TRPM3: variants seen among roughly 807,000 people sequenced by gnomAD.
TRPM3 encodes the protein transient receptor potential cation channel subfamily M member 3, also known as long transient receptor potential channel 3.
Under a neutral mutation model 181.2 loss-of-function variants are expected in TRPM3, and 77 were observed. The observed-to-expected ratio is 0.42, with a 90% confidence interval of 0.35 to 0.51. The LOEUF (loss-of-function observed/expected upper bound fraction) is 0.51. Among genes scored for constraint, TRPM3 ranks in the 20% least tolerant of loss-of-function variants. The pLI is 0.01. For missense variants in TRPM3, 1,759 were observed against 2,196.7 expected (o/e 0.80, Z 3.98); for synonymous variants, 745 against 796.4 (o/e 0.94, Z 1.09).
At chr9:71,074,746 G>A (rs889629583) in intron 1 of TRPM3, among the ~76,000 whole-genome samples, 2 of 152,050 alleles carry the variant, frequency 1.3e-5, no homozygotes, top group African/African-American at 4.8e-5. Context: ...AATTATTCTT[G>A]TTGTACTTAT....
intron 1 of TRPM3, among the ~76,000 whole-genome samples, chr9:71,079,421 A>G (rs1435282691): frequency 1.3e-5 from 2 of 152,132 alleles, no homozygotes; most frequent in Admixed American, 1.3e-4. Context: ...TGTAATAAAG[A>G]CCAGGCCAAA....
intron 8 of TRPM3, among the ~76,000 whole-genome samples, chr9:70,690,908 C>T (rs2068344855): frequency 1.3e-5 from 2 of 152,092 alleles, no homozygotes; most frequent in African/African-American, 2.4e-5. Flanking sequence ...AAAACATATT[C>T]GTATTCGATT....
intron 1 of TRPM3, among the ~76,000 whole-genome samples, chr9:71,111,346 C>A (rs2071031119): frequency 6.6e-6 from 1 of 152,094 alleles, no homozygotes; most frequent in Non-Finnish European, 1.5e-5. Flanking sequence ...CGTACCCACC[C>A]GTTAATATCT....
chr9:71,360,868 A>G (rs2092113275), intron 1 of TRPM3, among the ~76,000 whole-genome samples: 1 of 152,264 alleles, frequency 6.6e-6, no homozygotes, highest in African/African-American at 2.4e-5. Context: ...TGATCCAGAA[A>G]AAAAAGAAGG....
At chr9:71,197,526 G>T (rs1298351607) in intron 1 of TRPM3, among the ~76,000 whole-genome samples, 1 of 151,736 alleles carries the variant, frequency 6.6e-6, no homozygotes, top group Non-Finnish European at 1.5e-5. Flanking sequence ...ATCCTCTCCA[G>T]CACCTGTTGT....
Position 71,060,772 on chromosome 9 carries a change from C to T in TRPM3, c.177+60406G>A, listed in dbSNP as rs76057163. ...ACTCTTTGAAAGCATTGAATGTATT[C>T]TTTCATTAAACTAACACTGGTTGAC... On this transcript the variant is annotated intron_variant, in intron 1 of 25. Transcript: ENST00000677713. Among the ~76,000 whole-genome samples, 749 of 152,210 alleles carry T rather than the reference C, an allele frequency of 4.9e-3. 18 individuals are homozygous for T. The East Asian group carries it at 0.078, about 16-fold the overall frequency.
At chr9:70,766,137 C>G (rs746820068) in intron 7 of TRPM3, among the ~76,000 whole-genome samples, 1 of 152,050 alleles carries the variant, frequency 6.6e-6, no homozygotes, top group African/African-American at 2.4e-5. Flanking sequence ...CATTTAAATG[C>G]TGTACTTATG....
intron 7 of TRPM3, among the ~76,000 whole-genome samples, chr9:70,779,925 A>G (rs2082146894): frequency 1.3e-5 from 2 of 152,202 alleles, no homozygotes; most frequent in African/African-American, 2.4e-5. Flanking sequence ...CAGGTACTAT[A>G]TGCCATAGAG....
At chr9:70,622,608 G>T (rs747650177) in intron 14 of TRPM3, among the ~76,000 whole-genome samples, 10 of 152,216 alleles carry the variant, frequency 6.6e-5, no homozygotes, top group Non-Finnish European at 1.0e-4. Context: ...ACAGGCACAG[G>T]CTGAGTCGGA....
chr9:71,078,627 G>T (rs1051963562), intron 1 of TRPM3, among the ~76,000 whole-genome samples: 1 of 152,152 alleles, frequency 6.6e-6, no homozygotes, highest in East Asian at 1.9e-4. Context: ...ATGCATAGAT[G>T]TAGGTATAAC....
intron 7 of TRPM3, among the ~76,000 whole-genome samples, chr9:70,766,736 T>A (rs946758279): frequency 6.6e-6 from 1 of 152,242 alleles, no homozygotes; most frequent in African/African-American, 2.4e-5. Context: ...CCAAATGTCA[T>A]GACTCTGGTA....
At chr9:70,939,522 C>G (rs1425020414) in intron 1 of TRPM3, among the ~76,000 whole-genome samples, 2 of 152,170 alleles carry the variant, frequency 1.3e-5, no homozygotes, top group African/African-American at 4.8e-5. Context: ...CTTCAAGGAA[C>G]AGTTTCTTGA....
At chr9:71,405,572 A>G (rs1039339616) in intron 1 of TRPM3, among the ~76,000 whole-genome samples, 5 of 152,198 alleles carry the variant, frequency 3.3e-5, no homozygotes, top group African/African-American at 1.2e-4. Context: ...TGTGAAAAAA[A>G]CAAAAGTAAG....
At position 70,915,396 on chromosome 9, in the gene TRPM3, C is replaced by T. The variant is rs533165519; in HGVS notation, c.178-50885G>A. On this transcript the variant is annotated intron_variant, in intron 1 of 25. Coordinates refer to ENST00000677713, the MANE Select transcript of TRPM3 (RefSeq NM_001366145.2). ...CACTGCAAGCTTCACCTCCTGGGTT[C>T]CCACCATTCTCCTGCCTCAGCCTCC... 5.9e-3 allele frequency among the ~76,000 whole-genome samples: 891 copies of T among 151,980 alleles called. 7 individuals carry two copies. Among genetic ancestry groups the T allele is most frequent in the Non-Finnish European group, 8.2e-3 (555 of 67,962 alleles).
chr9:71,217,438 C>T (rs2079961183), intron 1 of TRPM3, among the ~76,000 whole-genome samples: 1 of 152,162 alleles, frequency 6.6e-6, no homozygotes, highest in Non-Finnish European at 1.5e-5. Context: ...GTTTGGCTTC[C>T]ATAATAAAGT....
At position 71,132,559 on chromosome 9, in the gene TRPM3, T is replaced by C. The variant is rs150186108; in HGVS notation, c.184-268048A>G. 3.5e-3 allele frequency among the ~76,000 whole-genome samples: 534 copies of C among 152,278 alleles called. 3 individuals carry two copies. The highest frequency in any genetic ancestry group is 0.012 in the African/African-American group (494 of 41,572). The stretch of plus-strand genomic sequence containing the variant: ...GAATAAAGTGGCAGTTACACAACTG[T>C]ATAGAATTGCTGGAATTCACCAAAC... On this transcript the variant is annotated intron_variant, in intron 1 of 24. Coordinates refer to the TRPM3 transcript ENST00000357533.
At chr9:70,686,855 T>C in intron 8 of TRPM3, among the ~76,000 whole-genome samples, 1 of 135,832 alleles carries the variant, frequency 7.4e-6, no homozygotes, top group Non-Finnish European at 1.6e-5. Flanking sequence ...AGACAGGGTC[T>C]CACTCTGTCT....
intron 1 of TRPM3, among the ~76,000 whole-genome samples, chr9:70,900,703 C>T (rs953056458): frequency 2.6e-5 from 4 of 152,154 alleles, no homozygotes; most frequent in Non-Finnish European, 5.9e-5. Flanking sequence ...AGTTACTACA[C>T]AACCTGACTA....
intron 1 of TRPM3, among the ~76,000 whole-genome samples, chr9:71,162,199 C>CAAAAAAAAAAAAAAAAAAAAAAAA (rs35947110): frequency 4.0e-4 from 30 of 74,256 alleles, no homozygotes; most frequent in South Asian, 6.3e-4. Flanking sequence ...GACTCTGTCT[C>CAAAAAAAAAAAAAAAAAAAAAAAA]AAAAAAAAAA....
Sources: allele counts gnomAD v4.1 joint callset (sites outside exome capture counted in the v4.1 genomes callset), GRCh38; gene constraint gnomAD v4.1.1; transcripts MANE v1.5; gene names NCBI Gene and HGNC (gene_info 2026-07-23, HGNC 2026-07-21).